The following MTMR8 variants were observed in gnomAD, a reference collection of about 807,000 sequenced individuals.
The protein encoded by MTMR8 is phosphatidylinositol-3,5-bisphosphate 3-phosphatase MTMR8.
MTMR8 carries 65 observed loss-of-function variants against 39.3 expected under a neutral mutation model. The ratio of observed to expected loss-of-function variants is 1.65; its 90% CI spans 1.35 to 2.03. The LOEUF is 2.03. Among genes scored for constraint, MTMR8 ranks in the 30% most tolerant of loss-of-function variants. The pLI is 0.00. For missense variants in MTMR8, 777 were observed against 538.9 expected (o/e 1.44, Z -4.37); for synonymous variants, 245 against 185.2 (o/e 1.32, Z -2.62).
At chrX:64,281,739 G>A (rs1932018647) in intron 12 of MTMR8, among the ~76,000 whole-genome samples, 1 of 96,431 alleles carries the variant, frequency 1.0e-5, no homozygotes. Flanking sequence ...AATAGCAAAA[G>A]AAACTACCAT....
chrX:64,384,369 C>T (rs1602159340), intron 1 of MTMR8, among the ~76,000 whole-genome samples: 1 of 111,406 alleles, frequency 9.0e-6, no homozygotes, highest in Middle Eastern at 4.7e-3. Context: ...AGGGTGGTGG[C>T]CTCCTTCTCA....
chrX:64,314,877 C>A (rs968615879), intron 12 of MTMR8, among the ~76,000 whole-genome samples: 1 of 111,239 alleles, frequency 9.0e-6, no homozygotes, highest in Non-Finnish European at 1.9e-5. Context: ...ATGATGCAGA[C>A]CCCCAGGGTA....
chrX:64,384,222 G>A (rs1457750063), intron 1 of MTMR8, among the ~76,000 whole-genome samples: 1 of 112,072 alleles, frequency 8.9e-6, no homozygotes, highest in African/African-American at 3.2e-5. Flanking sequence ...GGACTCTGAA[G>A]GCCTTCTGCA....
intron 12 of MTMR8, among the ~76,000 whole-genome samples, chrX:64,284,118 G>C (rs1921062410): frequency 8.9e-6 from 1 of 111,875 alleles, no homozygotes. Context: ...CCAATGCAGA[G>C]AAGTCCTTAA....
At position 64,356,307 on chromosome X, in the gene MTMR8, T is replaced by C; in HGVS notation, c.179A>G (p.Lys60Arg). Residue 60 changes from lysine (K) to arginine (R), a missense_variant, in exon 3 of 14, where the codon AAG (lysine) becomes AGG (arginine). Physicochemically the swap from Lys to Arg is conservative, Grantham distance 26. Transcript: ENST00000374852. ...IALHHIATVEKLPITSLGCPL... is the reference protein window; with the variant it reads ...IALHHIATVERLPITSLGCPL... Reference sequence around the variant, plus strand: ...ACAACCCAGGCTAGTGATGGGTAACTTCTCCACAGTGGCAATGTGATGGAG... The same window carrying C: ...ACAACCCAGGCTAGTGATGGGTAACCTCTCCACAGTGGCAATGTGATGGAG... 8.3e-7 allele frequency: 1 copy of C among 1,207,185 alleles called. No individual in the cohort carries two copies. The highest frequency in any genetic ancestry group is 1.1e-6 in the Non-Finnish European group (1 of 894,136).
At chrX:64,314,470 C>A (rs1922404786) in intron 12 of MTMR8, among the ~76,000 whole-genome samples, 1 of 112,608 alleles carries the variant, frequency 8.9e-6, no homozygotes, top group South Asian at 3.7e-4. Flanking sequence ...AGGACTGTGT[C>A]CACCCTCTGT....
chrX:64,281,612 A>C (rs1602105113), intron 12 of MTMR8, among the ~76,000 whole-genome samples: 1 of 112,204 alleles, frequency 8.9e-6, no homozygotes, highest in East Asian at 2.8e-4. Context: ...AAGAAAATCT[A>C]GGCAATACCA....
chrX:64,368,062 C>T (rs1387925310), intron 1 of MTMR8, among the ~76,000 whole-genome samples: 1 of 111,508 alleles, frequency 9.0e-6, no homozygotes, highest in Non-Finnish European at 1.9e-5. Flanking sequence ...ATGTGAAGGA[C>T]CTCTTCATTG....
chrX:64,359,781 C>T (rs16990617), intron 1 of MTMR8, among the ~76,000 whole-genome samples: 26,635 of 109,584 alleles, frequency 0.24, 7,700 homozygotes, highest in African/African-American at 0.83. Flanking sequence ...AGATGAGGTA[C>T]GTATAACTGG....
At chrX:64,332,357 C>T (rs756537442) in intron 10 of MTMR8, among the ~76,000 whole-genome samples, 1 of 111,481 alleles carries the variant, frequency 9.0e-6, no homozygotes, top group African/African-American at 3.3e-5. Flanking sequence ...GAAATGAACA[C>T]GGCACTCTCA....
intron 12 of MTMR8, among the ~76,000 whole-genome samples, chrX:64,276,539 C>G (rs925872080): frequency 3.6e-5 from 4 of 111,443 alleles, no homozygotes; most frequent in Non-Finnish European, 5.6e-5. Context: ...CATTAATTAC[C>G]CAGTAGTCAT....
chrX:64,371,366 G>A (rs1420579260), intron 1 of MTMR8, among the ~76,000 whole-genome samples: 1 of 112,039 alleles, frequency 8.9e-6, no homozygotes, highest in African/African-American at 3.2e-5. Flanking sequence ...ATGACATGGA[G>A]CTACTATTTT....
intron 4 of MTMR8, 67 bp from the exon 5 acceptor site, chrX:64,350,137 G>A (rs1923450731): frequency 3.0e-6 from 2 of 670,758 alleles, no homozygotes; most frequent in Non-Finnish European, 3.8e-6. Flanking sequence ...TGTCTCTTTG[G>A]AAATACGTAT....
intron 7 of MTMR8, among the ~76,000 whole-genome samples, chrX:64,344,393 GAA>G (rs746626703): frequency 9.0e-6 from 1 of 111,266 alleles, no homozygotes; most frequent in Non-Finnish European, 1.9e-5. Flanking sequence ...GTTGAAGAAA[GAA>G]GAGGAAGAAT....
At chrX:64,331,949 T>G (rs1922954132) in intron 10 of MTMR8, among the ~76,000 whole-genome samples, 192 bp from the exon 11 acceptor site, 1 of 111,469 alleles carries the variant, frequency 9.0e-6, no homozygotes, top group Non-Finnish European at 1.9e-5. Flanking sequence ...TGTCCTTCAC[T>G]GTCATCCATA....
In MTMR8 at chrX:64,348,803, A is replaced by G. The variant is rs1023831466; in HGVS notation, c.598-9T>C. 1 of 1,208,807 alleles carries G rather than the reference A, an allele frequency of 8.3e-7. No homozygotes were observed. The highest frequency in any genetic ancestry group is 1.1e-6 in the Non-Finnish European group (1 of 893,450). ...CAGCGGCAAATGGCAGCCTGTAAGG[A>G]AAAGGTGTGTCAGTTGAGTGATTAT... On this transcript the variant is annotated splice_polypyrimidine_tract_variant and intron_variant, in intron 5 of 13. Coordinates refer to ENST00000374852, the MANE Select transcript of MTMR8 (RefSeq NM_017677.4).
chrX:64,337,307 G>A lies in MTMR8; in HGVS notation c.1062C>T (p.Ile354=), dbSNP rs1569223617. Reference sequence around the variant, plus strand: ...ATGTCCTATAAAATGGATCTAGGAGGATGCTAGCCACTGAGCAGACTTGTG... The same window carrying A: ...ATGTCCTATAAAATGGATCTAGGAGAATGCTAGCCACTGAGCAGACTTGTG... ...RTAQVCSVAS[I]LLDPFYRTFK... The change falls in exon 9 of 14, where the codon ATC becomes ATT. Residue 354 remains isoleucine, a synonymous_variant. Coordinates refer to ENST00000374852, the MANE Select transcript of MTMR8 (RefSeq NM_017677.4). 8.3e-7 allele frequency: 1 copy of A among 1,209,944 alleles called. No individual in the cohort carries two copies. Among genetic ancestry groups the A allele is most frequent in the Middle Eastern group, 2.3e-4 (1 of 4,337 alleles).
At chrX:64,363,328 A>G (rs968883014) in intron 1 of MTMR8, among the ~76,000 whole-genome samples, 1 of 111,971 alleles carries the variant, frequency 8.9e-6, no homozygotes, top group Non-Finnish European at 1.9e-5. Flanking sequence ...AAGTGACTGG[A>G]TCATGGGGGT....
intron 8 of MTMR8, among the ~76,000 whole-genome samples, chrX:64,339,128 G>T (rs1281232527): frequency 9.0e-6 from 1 of 111,263 alleles, no homozygotes; most frequent in Non-Finnish European, 1.9e-5. Context: ...ACCACTATCT[G>T]AATAGAGATA....
Sources: gnomAD v4.1 joint callset for allele counts (sites outside exome capture counted in the v4.1 genomes callset) on GRCh38, gnomAD v4.1.1 for gene constraint, MANE v1.5 for transcripts, NCBI Gene and HGNC (gene_info 2026-07-23, HGNC 2026-07-21) for gene names.